The following SCAPER variants were observed in gnomAD, a reference collection of about 807,000 sequenced individuals.
The protein encoded by SCAPER is S phase cyclin A-associated protein in the endoplasmic reticulum.
Under a neutral mutation model 182.2 loss-of-function variants are expected in SCAPER, and 98 were observed. The ratio of observed to expected loss-of-function variants is 0.54; its 90% CI spans 0.46 to 0.64. The LOEUF (loss-of-function observed/expected upper bound fraction) is 0.64, where lower values mean the gene tolerates loss of function less well. Ranked by LOEUF, SCAPER falls within the 30% of genes least tolerant of loss-of-function variation. The pLI is 0.00. For synonymous variants in SCAPER, 605 were observed against 564.6 expected, an observed-to-expected ratio of 1.07 and a Z score of -1.01; for missense variants, 1,432 against 1,690.0, an observed-to-expected ratio of 0.85 and a Z score of 2.68.
intron 10 of SCAPER, among the ~76,000 whole-genome samples, chr15:76,770,210 G>A (rs1414391160): frequency 1.3e-5 from 2 of 150,120 alleles, no homozygotes; most frequent in Non-Finnish European, 3.0e-5. Context: ...GTCAGGGGGT[G>A]GGGGGCTGGG....
intron 4 of SCAPER, among the ~76,000 whole-genome samples, chr15:76,842,323 C>G (rs555305895): frequency 6.6e-6 from 1 of 152,152 alleles, no homozygotes; most frequent in Admixed American, 6.5e-5. Context: ...ATAATCCCCA[C>G]GTGTAAAGGG....
intron 24 of SCAPER, among the ~76,000 whole-genome samples, chr15:76,474,747 T>C (rs1262245895): frequency 6.6e-6 from 1 of 152,200 alleles, no homozygotes; most frequent in Non-Finnish European, 1.5e-5. Context: ...ATGAATAAGG[T>C]ATAAATAATA....
At chr15:76,608,866 G>A (rs8032258) in intron 22 of SCAPER, among the ~76,000 whole-genome samples, 6,738 of 152,202 alleles carry the variant, frequency 0.044, 329 homozygotes, top group African/African-American at 0.12. Flanking sequence ...TTTTAAGCCC[G>A]TTGGAAAAGC....
chr15:76,854,307 CACA>C (rs1256122844), intron 4 of SCAPER, among the ~76,000 whole-genome samples: 1 of 151,838 alleles, frequency 6.6e-6, no homozygotes, highest in East Asian at 1.9e-4. Flanking sequence ...CATTCTTATA[CACA>C]ACAACAGCCA....
At chr15:76,377,265 CTA>C (rs2042636485) in intron 28 of SCAPER, among the ~76,000 whole-genome samples, 1 of 152,162 alleles carries the variant, frequency 6.6e-6, no homozygotes, top group Non-Finnish European at 1.5e-5. Flanking sequence ...AAAATTACTG[CTA>C]AATTTTAAGA....
At chr15:76,724,394 A>G (rs2060462129) in intron 17 of SCAPER, among the ~76,000 whole-genome samples, 1 of 152,048 alleles carries the variant, frequency 6.6e-6, no homozygotes, top group Non-Finnish European at 1.5e-5. Context: ...GAATCTGACA[A>G]TTATGTGTCT....
chr15:76,613,218 T>TA (rs1359571476), intron 22 of SCAPER, among the ~76,000 whole-genome samples: 1 of 152,178 alleles, frequency 6.6e-6, no homozygotes, highest in African/African-American at 2.4e-5. Context: ...TGGCTAGCCA[T>TA]ATGCAGAAGA....
At chr15:76,806,275 A>G (rs1242260363) in intron 5 of SCAPER, among the ~76,000 whole-genome samples, 1 of 152,218 alleles carries the variant, frequency 6.6e-6, no homozygotes, top group African/African-American at 2.4e-5. Flanking sequence ...TGGTGTCCTA[A>G]CACCACTGTT....
At chr15:76,434,807 A>C (rs2047089261) in intron 25 of SCAPER, among the ~76,000 whole-genome samples, 1 of 152,198 alleles carries the variant, frequency 6.6e-6, no homozygotes, top group South Asian at 2.1e-4. Flanking sequence ...CCTAGTACAT[A>C]ATGCCACACT....
chr15:76,701,663 C>A, intron 20 of SCAPER, 95 bp downstream of exon 20: 1 of 925,564 alleles, frequency 1.1e-6, no homozygotes, highest in Non-Finnish European at 1.7e-6. Context: ...TTTAAATAAT[C>A]ATAGAAATAA....
At chr15:76,370,220 C>T (rs1266724102) in intron 29 of SCAPER, among the ~76,000 whole-genome samples, 1 of 149,382 alleles carries the variant, frequency 6.7e-6, no homozygotes, top group African/African-American at 2.5e-5. Flanking sequence ...GGGAGGTCAT[C>T]TAGTATAATC....
At chr15:76,605,322 T>C (rs12904834) in intron 22 of SCAPER, among the ~76,000 whole-genome samples, 74,489 of 151,142 alleles carry the variant, frequency 0.49, 19,192 homozygotes, top group Middle Eastern at 0.65. Flanking sequence ...TGCTGGATTA[T>C]GTTTATTGAT....
intron 15 of SCAPER, among the ~76,000 whole-genome samples, chr15:76,735,450 T>G (rs1297092314): frequency 6.6e-6 from 1 of 151,778 alleles, no homozygotes; most frequent in Non-Finnish European, 1.5e-5. Flanking sequence ...ATAATCCCAG[T>G]ACTTTGGGAG....
intron 23 of SCAPER, among the ~76,000 whole-genome samples, chr15:76,526,769 T>G (rs1433422587): frequency 6.6e-6 from 1 of 152,140 alleles, no homozygotes; most frequent in Admixed American, 6.5e-5. Flanking sequence ...TGATTTCATT[T>G]TTGCCTCTTT....
chr15:76,724,825 G>C (rs978761692), intron 17 of SCAPER, among the ~76,000 whole-genome samples: 2 of 151,990 alleles, frequency 1.3e-5, no homozygotes, highest in Non-Finnish European at 2.9e-5. Context: ...TTATCCATTC[G>C]TCTAATTTTT....
intron 22 of SCAPER, among the ~76,000 whole-genome samples, chr15:76,578,412 C>G (rs1264814548): frequency 6.6e-6 from 1 of 152,206 alleles, no homozygotes; most frequent in Non-Finnish European, 1.5e-5. Flanking sequence ...ACACAGTAAT[C>G]TGTGCTTCAG....
At chr15:76,817,972 G>A (rs1235619889) in intron 5 of SCAPER, among the ~76,000 whole-genome samples, 2 of 152,174 alleles carry the variant, frequency 1.3e-5, no homozygotes, top group African/African-American at 4.8e-5. Context: ...GTTTACAGCA[G>A]AAGCAAAAGA....
At chr15:76,425,646 C>G (rs1198769796) in intron 26 of SCAPER, among the ~76,000 whole-genome samples, 1 of 152,172 alleles carries the variant, frequency 6.6e-6, no homozygotes. Flanking sequence ...CAGCTTTTTT[C>G]CGTTGCTGAT....
intron 21 of SCAPER, among the ~76,000 whole-genome samples, chr15:76,629,263 C>G (rs542964372): frequency 1.3e-5 from 2 of 152,312 alleles, no homozygotes; most frequent in South Asian, 4.1e-4. Context: ...TTTCTCTTGC[C>G]TGACGGCCCT....
Sources: gnomAD v4.1 joint callset for allele counts (sites outside exome capture counted in the v4.1 genomes callset) on GRCh38, gnomAD v4.1.1 for gene constraint, MANE v1.5 for transcripts, NCBI Gene and HGNC (gene_info 2026-07-23, HGNC 2026-07-21) for gene names.